The following DENND2B variants were observed in gnomAD, a reference collection of about 807,000 sequenced individuals.
DENND2B encodes the protein DENN domain containing 2B, also known as DENN domain-containing protein 2B.
In DENND2B, 32 loss-of-function variants were observed where a neutral mutation model predicts 116.0. The observed-to-expected ratio is 0.28, with a 90% CI of 0.21 to 0.37. The LOEUF (loss-of-function observed/expected upper bound fraction) is 0.37. Ranked by LOEUF, DENND2B falls within the 10% of genes least tolerant of loss-of-function variation. The pLI, the probability that DENND2B is intolerant of heterozygous loss-of-function variation, is 1.00. For missense variants in DENND2B, 1,276 were observed against 1,477.7 expected (o/e 0.86, Z 2.24); for synonymous variants, 588 against 583.9 (o/e 1.01, Z -0.10).
chr11:8,794,133 T>G (rs909312733), intron 1 of DENND2B, among the ~76,000 whole-genome samples: 5 of 152,248 alleles, frequency 3.3e-5, no homozygotes, highest in African/African-American at 9.6e-5. Context: ...GTTGCTTTTG[T>G]TATTTTAAAA....
chr11:8,694,458 G>C lies in DENND2B; in HGVS notation c.3380-328C>G. 3 of 454,038 alleles carry C rather than the reference G, an allele frequency of 6.6e-6. 1 individual carries two copies. Among genetic ancestry groups the C allele is most frequent in the South Asian group, 5.4e-5 (3 of 55,390 alleles). The allele number at this position is 454,038 out of a possible 1,614,324, so 28.1% of individuals were successfully genotyped here. A position where few individuals can be genotyped will look rare whatever the true frequency, so the allele number is the denominator to read the frequency against. ...TTGCAGGAAGGGCACTCGCACTGCTGTGTCTGCAGACCTGTTATGGTCTAG... is the reference window on the plus strand; with the variant it reads ...TTGCAGGAAGGGCACTCGCACTGCTCTGTCTGCAGACCTGTTATGGTCTAG... On this transcript the variant is annotated intron_variant, in intron 19 of 19. Transcript: ENST00000313726.
At chr11:8,791,240 G>A (rs558696748) in intron 1 of DENND2B, among the ~76,000 whole-genome samples, 31 of 152,294 alleles carry the variant, frequency 2.0e-4, no homozygotes, top group Non-Finnish European at 3.7e-4. Flanking sequence ...AAGCTTCTAC[G>A]TCACAAGATC....
chr11:8,699,069 T>TA, intron 15 of DENND2B, 95 bp from the exon 16 acceptor site: 1 of 1,560,518 alleles, frequency 6.4e-7, no homozygotes, highest in Non-Finnish European at 8.7e-7. Flanking sequence ...CAGGGTCAGC[T>TA]AACAGGAAGT....
intron 3 of DENND2B, among the ~76,000 whole-genome samples, chr11:8,843,692 C>A: frequency 6.6e-6 from 1 of 152,268 alleles, no homozygotes. Flanking sequence ...ACAAATAATA[C>A]GCTGTCTGGC....
rs549247788 is a variant in DENND2B at position 8,857,741 on chromosome 11, A to G, written c.-249-305T>C. Among the ~76,000 whole-genome samples the G allele has an allele frequency of 2.0e-5, 3 of 152,340 alleles. No individual in the cohort carries two copies. The South Asian group carries it at 6.2e-4, about 32-fold the overall frequency. On this transcript the variant is annotated intron_variant, in intron 2 of 6. Coordinates refer to the DENND2B transcript ENST00000524757. ...AAGAAAGGGAACTAAATTAGGAGTC[A>G]AAACACCTGGATGCCAGACGTGGTT... is the stretch of plus-strand genomic sequence containing the variant.
At chr11:8,859,370 C>T (rs546266271) in intron 2 of DENND2B, among the ~76,000 whole-genome samples, 32 of 152,088 alleles carry the variant, frequency 2.1e-4, no homozygotes, top group Admixed American at 1.7e-3. Flanking sequence ...TGCAGTGGCG[C>T]GATCTCGGCT....
chr11:8,700,893 C>T (rs147532882), intron 14 of DENND2B, among the ~76,000 whole-genome samples: 7 of 152,066 alleles, frequency 4.6e-5, no homozygotes, highest in African/African-American at 1.7e-4. Context: ...ACAATCTCCG[C>T]TCACTGCAAC....
intron 5 of DENND2B, among the ~76,000 whole-genome samples, chr11:8,716,048 C>T (rs1104773): frequency 0.11 from 16,638 of 152,258 alleles, 1,384 homozygotes; most frequent in African/African-American, 0.23. Context: ...CAGCAAAAAA[C>T]GAAAGCAGAG....
intron 4 of DENND2B, among the ~76,000 whole-genome samples, chr11:8,719,489 C>A (rs999104150): frequency 2.6e-5 from 4 of 152,192 alleles, no homozygotes; most frequent in African/African-American, 9.7e-5. Context: ...TGGAACAGAC[C>A]TTTTCCTGTA....
chr11:8,772,857 AACTC>A (rs1272374914), intron 1 of DENND2B, among the ~76,000 whole-genome samples: 117 of 152,182 alleles, frequency 7.7e-4, no homozygotes, highest in African/African-American at 2.6e-3. Context: ...TGGCAATCCC[AACTC>A]CTTGGGTATG....
Position 8,889,136 on chromosome 11 carries a change from T to C in DENND2B, c.-255-8027A>G, listed in dbSNP as rs780253834. 4.5e-4 allele frequency among the ~76,000 whole-genome samples: 69 copies of C among 152,252 alleles called. 1 individual carries two copies. The highest frequency in any genetic ancestry group is 1.9e-4 in the Non-Finnish European group (13 of 68,042). Reference sequence around the variant, plus strand: ...AGAGATATTTATAAACCCATGTTCATAGCAGCATTATTTGCAATAGCTAAA... The same window carrying C: ...AGAGATATTTATAAACCCATGTTCACAGCAGCATTATTTGCAATAGCTAAA... On this transcript the variant is annotated intron_variant, in intron 1 of 22. Transcript: ENST00000534127.
At chr11:8,802,598 G>A (rs1435982877) in intron 1 of DENND2B, among the ~76,000 whole-genome samples, 1 of 152,086 alleles carries the variant, frequency 6.6e-6, no homozygotes, top group African/African-American at 2.4e-5. Context: ...CTCTCCTATT[G>A]GATGGCTCTT....
intron 8 of DENND2B, among the ~76,000 whole-genome samples, chr11:8,713,292 C>G (rs532681722): frequency 3.3e-5 from 5 of 152,114 alleles, no homozygotes; most frequent in Non-Finnish European, 5.9e-5. Context: ...ACTGCAGGGC[C>G]TCCAGAGAAA....
chr11:8,769,449 G>A (rs2056479146), intron 1 of DENND2B, among the ~76,000 whole-genome samples: 1 of 151,844 alleles, frequency 6.6e-6, no homozygotes, highest in Non-Finnish European at 1.5e-5. Flanking sequence ...TAGTAGAGAC[G>A]GAGTTTCACT....
At chr11:8,787,668 T>C (rs533142083) in intron 1 of DENND2B, among the ~76,000 whole-genome samples, 33 of 152,330 alleles carry the variant, frequency 2.2e-4, no homozygotes, top group African/African-American at 5.5e-4. Context: ...CTAACGTCCA[T>C]GGGCACAGAC....
chr11:8,826,013 A>G (rs1365329515), intron 4 of DENND2B, among the ~76,000 whole-genome samples: 1 of 152,228 alleles, frequency 6.6e-6, no homozygotes, highest in Non-Finnish European at 1.5e-5. Context: ...TTGAAAGAAA[A>G]AAAGGAAATC....
chr11:8,818,009 C>T (rs977419249), intron 4 of DENND2B, among the ~76,000 whole-genome samples: 2 of 151,450 alleles, frequency 1.3e-5, no homozygotes, highest in African/African-American at 4.8e-5. Context: ...CACCTGTAAT[C>T]CCAGCACTTT....
chr11:8,896,502 T>A (rs1020605027), intron 1 of DENND2B, among the ~76,000 whole-genome samples: 1 of 152,154 alleles, frequency 6.6e-6, no homozygotes, highest in Non-Finnish European at 1.5e-5. Flanking sequence ...AATGGCATAG[T>A]GAGGAGGCTG....
At chr11:8,803,033 C>A (rs1355580984) in intron 1 of DENND2B, among the ~76,000 whole-genome samples, 1 of 152,166 alleles carries the variant, frequency 6.6e-6, no homozygotes, top group Non-Finnish European at 1.5e-5. Flanking sequence ...AAATATTATA[C>A]TTGATTTCAT....
Sources: gnomAD v4.1 joint callset for allele counts (sites outside exome capture counted in the v4.1 genomes callset) on GRCh38, gnomAD v4.1.1 for gene constraint, MANE v1.5 for transcripts, NCBI Gene and HGNC (gene_info 2026-07-23, HGNC 2026-07-21) for gene names.